Variants in SH2D4B observed in about 807,000 individuals in gnomAD.
SH2D4B encodes the protein SH2 domain containing 4B.
A neutral mutation model predicts 61.5 loss-of-function variants in SH2D4B; 45 were observed. The ratio of observed to expected loss-of-function variants is 0.73; its 90% CI spans 0.58 to 0.94. SH2D4B has a LOEUF of 0.94. SH2D4B is among the 40% of genes least tolerant of loss of function. SH2D4B has a pLI of 0.00. For missense variants in SH2D4B, 572 were observed against 574.2 expected (o/e 1.00, Z 0.04); for synonymous variants, 224 against 220.4 (o/e 1.02, Z -0.14).
At chr10:80,570,519 C>T (rs1842029347) in intron 2 of SH2D4B, among the ~76,000 whole-genome samples, 1 of 152,198 alleles carries the variant, frequency 6.6e-6, no homozygotes, top group Non-Finnish European at 1.5e-5. Flanking sequence ...CACACCCAGC[C>T]TTAATGATGG....
rs527860725 is a variant in SH2D4B at position 80,645,245 on chromosome 10, A to T, written c.*1160A>T. ...ACTTTACCCGATGGCTGTATCAAAC[A>T]TCTATGCCCCACTTCTTCTCTTGCC... On this transcript the variant is annotated 3_prime_UTR_variant, in exon 8 of 8. Transcript: ENST00000646907. 1.3e-5 allele frequency: 2 copies of T among 152,336 alleles called. No homozygotes were observed. Among genetic ancestry groups the T allele is most frequent in the African/African-American group, 4.8e-5 (2 of 41,572 alleles). The allele number at this position is 152,336 out of a possible 1,614,324, so 9.4% of individuals were successfully genotyped here.
Position 80,587,136 on chromosome 10 carries a change from TTTTTTTTTTGTTTTG to T in SH2D4B, c.496-1484_496-1470del, listed in dbSNP as rs1417519814. ...ACCCACCAATTCCGGCCACGTTTTT[TTTTTTTTTTGTTTTG>T]TTTTTTTTTTTTTTTTTGGAGACGC... On this transcript the variant is annotated intron_variant, in intron 3 of 7. Coordinates refer to ENST00000646907, the MANE Select transcript of SH2D4B (RefSeq NM_001388272.1). 5.6e-3 allele frequency among the ~76,000 whole-genome samples: 294 copies of T among 52,842 alleles called. 21 individuals are homozygous for T. The highest frequency in any genetic ancestry group is 0.033 in the African/African-American group (153 of 4,706). The allele number at this position is 52,842 out of a possible 152,430, so 34.7% of individuals were successfully genotyped here.
At chr10:80,546,592 C>T (rs1402180154) in intron 1 of SH2D4B, among the ~76,000 whole-genome samples, 2 of 148,260 alleles carry the variant, frequency 1.3e-5, no homozygotes, top group African/African-American at 2.5e-5. Flanking sequence ...GTGGCGCTAT[C>T]TTGGCTCACT....
chr10:80,611,727 C>T (rs1280362588), intron 6 of SH2D4B, among the ~76,000 whole-genome samples: 2 of 151,836 alleles, frequency 1.3e-5, no homozygotes, highest in African/African-American at 4.8e-5. Flanking sequence ...CTTTGGCAGC[C>T]AGTGGAGAAG....
At chr10:80,610,604 C>T (rs2132145346) in intron 6 of SH2D4B, among the ~76,000 whole-genome samples, 1 of 152,298 alleles carries the variant, frequency 6.6e-6, no homozygotes, top group East Asian at 1.9e-4. Flanking sequence ...ATTCAGCCCT[C>T]ACCCCTGCCT....
At chr10:80,609,589 C>T (rs1457548530) in intron 6 of SH2D4B, 38 bp downstream of exon 6, 6 of 1,613,436 alleles carry the variant, frequency 3.7e-6, no homozygotes, top group East Asian at 2.2e-5. Flanking sequence ...CAGATGATTT[C>T]CACATCTTTG....
At chr10:80,628,509 T>G (rs1842790028) in intron 6 of SH2D4B, among the ~76,000 whole-genome samples, 1 of 152,180 alleles carries the variant, frequency 6.6e-6, no homozygotes, top group East Asian at 1.9e-4. Context: ...CAAGTATGTC[T>G]TTATCAGGAG....
At chr10:80,643,639 C>A (rs1840344218) in intron 7 of SH2D4B, among the ~76,000 whole-genome samples, 1 of 151,940 alleles carries the variant, frequency 6.6e-6, no homozygotes, top group South Asian at 2.1e-4. Flanking sequence ...CTCCTCATTC[C>A]CCGACCTGCT....
intron 1 of SH2D4B, among the ~76,000 whole-genome samples, chr10:80,565,312 C>T (rs953121686): frequency 6.6e-6 from 1 of 152,006 alleles, no homozygotes; most frequent in Non-Finnish European, 1.5e-5. Context: ...ACCCCCCACC[C>T]CCAGCCCCAC....
At chr10:80,621,425 T>G (rs6586112) in intron 6 of SH2D4B, among the ~76,000 whole-genome samples, 65,308 of 152,162 alleles carry the variant, frequency 0.43, 17,212 homozygotes, top group African/African-American at 0.75. Flanking sequence ...CTTACTTTGG[T>G]CCTACATTTC....
At chr10:80,541,032 G>C in intron 1 of SH2D4B, 1 of 883,938 alleles carries the variant, frequency 1.1e-6, no homozygotes, top group Non-Finnish European at 1.8e-6. Context: ...GAAACTGTTA[G>C]TGAGAAGCGA....
At chr10:80,604,556 C>T (rs1842493546) in intron 5 of SH2D4B, among the ~76,000 whole-genome samples, 1 of 152,126 alleles carries the variant, frequency 6.6e-6, no homozygotes, top group South Asian at 2.1e-4. Context: ...GCAGAAGAGT[C>T]CAGTCACCCC....
intron 6 of SH2D4B, among the ~76,000 whole-genome samples, chr10:80,614,428 C>T (rs1297926840): frequency 6.6e-6 from 1 of 152,218 alleles, no homozygotes; most frequent in Non-Finnish European, 1.5e-5. Context: ...GAGGAATCTG[C>T]CCCCATGACC....
At chr10:80,592,146 G>T (rs1224454613) in intron 4 of SH2D4B, among the ~76,000 whole-genome samples, 1 of 152,154 alleles carries the variant, frequency 6.6e-6, no homozygotes, top group Non-Finnish European at 1.5e-5. Flanking sequence ...GACTAATGAT[G>T]TTGAACATTT....
chr10:80,600,653 C>T (rs577309696), intron 4 of SH2D4B, among the ~76,000 whole-genome samples: 90 of 152,046 alleles, frequency 5.9e-4, no homozygotes, highest in Non-Finnish European at 1.0e-3. Context: ...TTTCTGTGTG[C>T]AGTGGGAGCC....
intron 4 of SH2D4B, among the ~76,000 whole-genome samples, chr10:80,603,050 TG>T: frequency 6.6e-6 from 1 of 152,076 alleles, no homozygotes; most frequent in Non-Finnish European, 1.5e-5. Context: ...CCTGGGTGGT[TG>T]GGGGAAGTCC....
chr10:80,567,755 C>A (rs1186619269), intron 1 of SH2D4B, among the ~76,000 whole-genome samples: 1 of 152,178 alleles, frequency 6.6e-6, no homozygotes, highest in East Asian at 1.9e-4. Context: ...CTGGATGAGG[C>A]TTTTTGTCTG....
chr10:80,619,308 A>G (rs985605714), intron 6 of SH2D4B, among the ~76,000 whole-genome samples: 2 of 152,136 alleles, frequency 1.3e-5, no homozygotes, highest in African/African-American at 4.8e-5. Context: ...CTGCCTTCTC[A>G]TCTTTACTCA....
intron 2 of SH2D4B, among the ~76,000 whole-genome samples, chr10:80,571,000 G>A (rs1242706250): frequency 6.6e-6 from 1 of 152,000 alleles, no homozygotes; most frequent in African/African-American, 2.4e-5. Context: ...TCAGCCTCCT[G>A]AGTATCTGGG....
Sources: allele counts gnomAD v4.1 joint callset (sites outside exome capture counted in the v4.1 genomes callset), GRCh38; gene constraint gnomAD v4.1.1; transcripts MANE v1.5; gene names NCBI Gene and HGNC (gene_info 2026-07-23, HGNC 2026-07-21).